The following WNK4 variants were observed in gnomAD, a reference collection of about 807,000 sequenced individuals.
WNK4 encodes the protein serine/threonine-protein kinase WNK4.
Under a neutral mutation model 116.2 loss-of-function variants are expected in WNK4, and 94 were observed. That is an observed-to-expected ratio of 0.81 (90% CI 0.68 to 0.96). WNK4 has a LOEUF of 0.96. Ranked by LOEUF, WNK4 falls within the 40% of genes least tolerant of loss-of-function variation. WNK4 has a pLI of 0.00. For missense variants in WNK4, 1,542 were observed against 1,650.6 expected, an observed-to-expected ratio of 0.93 and a Z score of 1.14; for synonymous variants, 655 against 672.7, an observed-to-expected ratio of 0.97 and a Z score of 0.41.
Position 42,783,997 on chromosome 17 carries a change from C to A in WNK4, c.852C>A (p.Ile284=), listed in dbSNP as rs1597895249. ...TCCTTCAGCGCTGGAGCCGCCAAATCCTGCGGGGACTTCATTTCCTACACT... is the reference window on the plus strand; with the variant it reads ...TCCTTCAGCGCTGGAGCCGCCAAATACTGCGGGGACTTCATTTCCTACACT... ...PRVLQRWSRQ[I]LRGLHFLHSR... The change falls in exon 3 of 19, where the codon ATC becomes ATA. Residue 284 remains isoleucine, a synonymous_variant. Transcript: ENST00000246914. 1 of 1,614,090 alleles carries A rather than the reference C, an allele frequency of 6.2e-7. No individual in the cohort carries two copies. The highest frequency in any genetic ancestry group is 8.5e-7 in the Non-Finnish European group (1 of 1,180,028).
At position 42,796,567 on chromosome 17, in the gene WNK4, G is replaced by A; in HGVS notation, c.3718G>A (p.Val1240Ile). The A allele has an allele frequency of 6.2e-7, 1 of 1,614,220 alleles. No individual in the cohort carries two copies. Among genetic ancestry groups the A allele is most frequent in the East Asian group, 2.2e-5 (1 of 44,886 alleles). ...ASKGVTFAGD[V>I]GRM is the part of the protein sequence containing the mutation. ...CAAGGGGGTGACATTCGCCGGGGATGTTGGCAGGATGGTGAGGGCGGGCCC... is the reference window on the plus strand; with the variant it reads ...CAAGGGGGTGACATTCGCCGGGGATATTGGCAGGATGGTGAGGGCGGGCCC... The change falls in exon 18 of 19, where the codon GTT becomes ATT. Residue 1240 changes from valine (V) to isoleucine (I), a missense_variant. Coordinates refer to ENST00000246914, the MANE Select transcript of WNK4 (RefSeq NM_032387.5).
chr17:42,787,569 A>T (rs964876717), intron 7 of WNK4, 27 bp downstream of exon 7: 9 of 1,612,146 alleles, frequency 5.6e-6, no homozygotes, highest in Admixed American at 1.7e-5. Flanking sequence ...CTTGAGACGT[A>T]GGTCCCAGAA....
At chr17:42,794,350 C>T (rs558909365) in intron 12 of WNK4, 2 of 531,740 alleles carry the variant, frequency 3.8e-6, no homozygotes, top group Admixed American at 3.2e-5. Flanking sequence ...TAGTGTTTTG[C>T]CACCTTAGCG....
In WNK4 at chr17:42,796,707, G is replaced by T; in HGVS notation, c.*19G>T. Reference sequence around the variant, plus strand: ...CCAGTGAATTCAGAACAGAAGCCATGTATCTCCCCCACACCAGGGCCCACC... The same window carrying T: ...CCAGTGAATTCAGAACAGAAGCCATTTATCTCCCCCACACCAGGGCCCACC... On this transcript the variant is annotated 3_prime_UTR_variant, in exon 19 of 19. Transcript: ENST00000246914. The T allele has an allele frequency of 6.2e-7, 1 of 1,614,172 alleles. No individual in the cohort carries two copies. Among genetic ancestry groups the T allele is most frequent in the Non-Finnish European group, 8.5e-7 (1 of 1,180,024 alleles).
chr17:42,794,215 A>G (rs2054637151), intron 12 of WNK4: 1 of 313,228 alleles, frequency 3.2e-6, no homozygotes, highest in Non-Finnish European at 6.1e-6. Flanking sequence ...TTGTTCTAGA[A>G]AACTTGTTCA....
rs576841252 is a variant in WNK4 at position 42,782,892 on chromosome 17, G to A, written c.753G>A (p.Val251=). The A allele has an allele frequency of 6.2e-7, 1 of 1,614,088 alleles. No homozygotes were observed. Among genetic ancestry groups the A allele is most frequent in the African/African-American group, 1.3e-5 (1 of 74,922 alleles). The change falls in exon 2 of 19, where the codon GTG becomes GTA. Residue 251 remains valine, a synonymous_variant. Transcript: ENST00000246914. This position sits in a 1 kb window ranked among gnomAD's most constrained non-coding sequence, Gnocchi z 4.2. The stretch of plus-strand genomic sequence containing the variant: ...TGCTGAGGGGCCAGGTTTGCATCGT[G>A]CTGGTCACCGAACTCATGACCTCGG... The part of the protein sequence containing the change: ...KSVLRGQVCI[V]LVTELMTSGT...
intron 1 of WNK4, among the ~76,000 whole-genome samples, chr17:42,781,998 G>A (rs2054488529): frequency 6.6e-6 from 1 of 152,182 alleles, no homozygotes; most frequent in East Asian, 1.9e-4. Context: ...GGCTTTAGGG[G>A]GACCTTCCTC....
Position 42,794,785 on chromosome 17 carries a change from C to G in WNK4, c.2364C>G (p.Ser788Arg). ...LPDPSNEELQ[S>R]STSLEHRSWT... ...CCTCCTTCCCAGAAGAGCTCCAGAG[C>G]AGCACCTCCCTGGAGCACAGGAGCT... The change falls in exon 14 of 19, where the codon AGC becomes AGG. Residue 788 changes from serine to arginine, a missense_variant. By Grantham distance (110) the Ser-to-Arg change is moderately radical. This residue lies in a region of WNK4 where 808 missense variants were observed against 873.6 expected (regional missense o/e 0.92). Transcript: ENST00000246914. 1.9e-6 allele frequency: 3 copies of G among 1,614,058 alleles called. No individual in the cohort carries two copies. Among genetic ancestry groups the G allele is most frequent in the Non-Finnish European group, 1.7e-6 (2 of 1,180,012 alleles).
In WNK4 at chr17:42,784,390, C is replaced by T. The variant is rs371753890; in HGVS notation, c.1013-32C>T. 10 of 1,609,212 alleles carry T rather than the reference C, an allele frequency of 6.2e-6. No homozygotes were observed. The African/African-American group carries it at 9.4e-5, about 15-fold the overall frequency. ...GTGGGAAGGACGAGGCCAGAGTGCCCAGCAATCTGATCCCTGCTGTGGACC... is the reference window on the plus strand; with the variant it reads ...GTGGGAAGGACGAGGCCAGAGTGCCTAGCAATCTGATCCCTGCTGTGGACC... On this transcript the variant is annotated intron_variant, in intron 3 of 18. Coordinates refer to ENST00000246914, the MANE Select transcript of WNK4 (RefSeq NM_032387.5). The surrounding 1 kb of genome is among the most constrained non-coding windows in gnomAD (Gnocchi z 4.4).
intron 12 of WNK4, 86 bp from the exon 13 acceptor site, chr17:42,794,528 G>T: frequency 6.9e-7 from 1 of 1,452,884 alleles, no homozygotes. Context: ...AGGTTCATGG[G>T]TCCTAGCTTA....
intron 12 of WNK4, chr17:42,794,306 C>G (rs1423605288): frequency 4.4e-6 from 2 of 451,708 alleles, no homozygotes; most frequent in South Asian, 3.0e-5. Context: ...TATAAAGAAC[C>G]ACTGGATACC....
Position 42,788,338 on chromosome 17 carries a change from G to C in WNK4, c.1971G>C (p.Met657Ile). The change falls in exon 10 of 19, where the codon ATG (methionine) becomes ATC (isoleucine). Residue 657 changes from methionine to isoleucine, a missense_variant. Around this residue, in one of 7 missense-constraint regions of WNK4, gnomAD observed 808 missense variants for 873.6 expected, o/e 0.92. Transcript: ENST00000246914. ...ASGLSDVGEG[M>I]GQMRRPPGRN... ...GCCTTAGCGATGTGGGAGAAGGGAT[G>C]GGACAAATGAGGAGACCCCCAGGGA... is the stretch of plus-strand genomic sequence containing the variant. 1 of 1,614,000 alleles carries C rather than the reference G, an allele frequency of 6.2e-7. No homozygotes were observed. The highest frequency in any genetic ancestry group is 1.1e-5 in the South Asian group (1 of 91,072).
At chr17:42,793,810 C>G (rs1378689410) in intron 12 of WNK4, 81 bp downstream of exon 12, 1 of 1,575,364 alleles carries the variant, frequency 6.3e-7, no homozygotes, top group Admixed American at 1.7e-5. Flanking sequence ...CAGCGGTCCC[C>G]TTGGATTTAA....
At chr17:42,792,640 T>G (rs1279035877) in intron 11 of WNK4, among the ~76,000 whole-genome samples, 2 of 152,198 alleles carry the variant, frequency 1.3e-5, no homozygotes, top group African/African-American at 4.8e-5. Flanking sequence ...TTTAATTACG[T>G]ATTTATGTGT....
At chr17:42,793,884 A>T in intron 12 of WNK4, 155 bp downstream of exon 12, 1 of 915,858 alleles carries the variant, frequency 1.1e-6, no homozygotes. Context: ...ATGGAGTCTC[A>T]CTCTGTCGCC....
chr17:42,783,546 G>A (rs944489697), intron 2 of WNK4: 7 of 315,316 alleles, frequency 2.2e-5, no homozygotes, highest in Admixed American at 4.7e-5. Flanking sequence ...CTTTGAGCAC[G>A]GTGTCCTGTC....
intron 11 of WNK4, 56 bp from the exon 12 acceptor site, chr17:42,793,536 G>C: frequency 6.2e-7 from 1 of 1,608,496 alleles, no homozygotes; most frequent in Non-Finnish European, 8.5e-7. Flanking sequence ...GAAGCAGGGG[G>C]AGAGGGATGA....
chr17:42,792,400 T>C (rs1189426028), intron 11 of WNK4, among the ~76,000 whole-genome samples: 1 of 152,146 alleles, frequency 6.6e-6, no homozygotes, highest in Non-Finnish European at 1.5e-5. Flanking sequence ...ACCATAAATA[T>C]AAAATTTACC....
chr17:42,793,483 T>C (rs911252545), intron 11 of WNK4, 109 bp from the exon 12 acceptor site: 1 of 1,479,024 alleles, frequency 6.8e-7, no homozygotes. Context: ...GTGCTAGGAT[T>C]ACAGGCGTGA....
Sources: allele counts gnomAD v4.1 joint callset (sites outside exome capture counted in the v4.1 genomes callset), GRCh38; gene constraint gnomAD v4.1.1; regional missense constraint gnomAD v4.1.1; non-coding constraint Gnocchi (gnomAD v3.1); transcripts MANE v1.5; gene names NCBI Gene and HGNC (gene_info 2026-07-23, HGNC 2026-07-21).